CCNY: variants seen among roughly 807,000 people sequenced by gnomAD.
CCNY encodes the protein cyclin Y.
In CCNY, 19 loss-of-function variants were observed where a neutral mutation model predicts 42.8. The observed-to-expected ratio is 0.44, with a 90% CI of 0.31 to 0.65. The LOEUF is 0.65. Ranked by LOEUF, CCNY falls within the 30% of genes least tolerant of loss-of-function variation. The pLI is 0.07. For missense variants in CCNY, 370 were observed against 437.3 expected (o/e 0.85, Z 1.37); for synonymous variants, 165 against 162.7 (o/e 1.01, Z -0.11).
chr10:35,320,274 G>A (rs2135094683), intron 3 of CCNY, among the ~76,000 whole-genome samples: 1 of 152,270 alleles, frequency 6.6e-6, no homozygotes, highest in East Asian at 1.9e-4. Context: ...AATGCATCAT[G>A]ACTAAGTGGG....
chr10:35,447,847 A>G (rs1404808138), intron 1 of CCNY, among the ~76,000 whole-genome samples: 1 of 152,210 alleles, frequency 6.6e-6, no homozygotes, highest in Non-Finnish European at 1.5e-5. Context: ...AACCACAGAT[A>G]GTTTGATAAA....
At chr10:35,349,533 C>T (rs1306667674) in intron 1 of CCNY, among the ~76,000 whole-genome samples, 1 of 152,214 alleles carries the variant, frequency 6.6e-6, no homozygotes, top group African/African-American at 2.4e-5. Context: ...GTTCCCTAAG[C>T]TCATTTTCAT....
chr10:35,572,636 T>G lies in CCNY; in HGVS notation c.*3466T>G, dbSNP rs1464064140. 1 of 152,250 alleles carries G rather than the reference T, an allele frequency of 6.6e-6. No individual in the cohort carries two copies. Among genetic ancestry groups the G allele is most frequent in the Non-Finnish European group, 1.5e-5 (1 of 68,052 alleles). The allele number at this position is 152,250 out of a possible 1,614,324, so 9.4% of individuals were successfully genotyped here. A position where few individuals can be genotyped will look rare whatever the true frequency, so the allele number is the denominator to read the frequency against. Reference sequence around the variant, plus strand: ...ATTCTTGGTTATTGTAGGTATTTAATAAATGTTAAATAAATATATACATAG... The same window carrying G: ...ATTCTTGGTTATTGTAGGTATTTAAGAAATGTTAAATAAATATATACATAG... On this transcript the variant is annotated 3_prime_UTR_variant, in exon 10 of 10. Transcript: ENST00000374704.
chr10:35,540,710 G>A (rs139915246), intron 7 of CCNY, among the ~76,000 whole-genome samples: 2 of 152,150 alleles, frequency 1.3e-5, no homozygotes, highest in Non-Finnish European at 2.9e-5. Flanking sequence ...TTTCTTATAG[G>A]TCTATTCAGG....
intron 3 of CCNY, among the ~76,000 whole-genome samples, chr10:35,275,252 G>T (rs780733355): frequency 6.6e-5 from 10 of 151,374 alleles, no homozygotes; most frequent in Non-Finnish European, 1.0e-4. Flanking sequence ...TTTTAGTAGA[G>T]ATGGGGTTTC....
Position 35,538,624 on chromosome 10 carries a change from A to G in CCNY, c.579+8381A>G, listed in dbSNP as rs187431956. Among the ~76,000 whole-genome samples the G allele has an allele frequency of 3.0e-4, 46 of 152,248 alleles. 1 individual carries two copies. In the East Asian group the frequency reaches 7.7e-3, roughly 26 times the overall value. ...CCACGTTTTCTTTGGAGAAGTATCT[A>G]TTTACATTCTTTGCCCATTTTAAGA... is the stretch of plus-strand genomic sequence containing the variant. On this transcript the variant is annotated intron_variant, in intron 7 of 9. Coordinates refer to ENST00000374704, the MANE Select transcript of CCNY (RefSeq NM_145012.6).
intron 1 of CCNY, among the ~76,000 whole-genome samples, chr10:35,374,796 A>C (rs1044125940): frequency 2.0e-5 from 3 of 152,228 alleles, no homozygotes; most frequent in Non-Finnish European, 4.4e-5. Context: ...TGGGAAAAAA[A>C]GGGGATGGAA....
At chr10:35,328,044 G>C (rs1288052968) in intron 3 of CCNY, among the ~76,000 whole-genome samples, 3 of 152,222 alleles carry the variant, frequency 2.0e-5, no homozygotes, top group Admixed American at 6.5e-5. Flanking sequence ...TGTGCTAGCA[G>C]AGAACGATAA....
chr10:35,494,995 T>C (rs1839978447), intron 2 of CCNY, among the ~76,000 whole-genome samples: 1 of 152,236 alleles, frequency 6.6e-6, no homozygotes, highest in East Asian at 1.9e-4. Flanking sequence ...ACCAACCTGA[T>C]GTTCAAAGGA....
chr10:35,332,539 G>GT (rs1398281359), upstream of CCNY: 2 of 152,118 alleles, frequency 1.3e-5, no homozygotes, highest in African/African-American at 2.4e-5. Context: ...AGAAAATTTT[G>GT]TTTTTTCTGT....
At chr10:35,259,067 T>C (rs956057444) in intron 3 of CCNY, among the ~76,000 whole-genome samples, 3 of 152,188 alleles carry the variant, frequency 2.0e-5, no homozygotes, top group African/African-American at 7.2e-5. Flanking sequence ...TAAGTCATTC[T>C]GCTGAAAGCT....
intron 1 of CCNY, among the ~76,000 whole-genome samples, chr10:35,368,377 A>G (rs1836855284): frequency 6.6e-6 from 1 of 152,244 alleles, no homozygotes; most frequent in Non-Finnish European, 1.5e-5. Flanking sequence ...GCAGAGGGAA[A>G]AAAGCATTTT....
chr10:35,535,486 C>G (rs111888976), intron 7 of CCNY, among the ~76,000 whole-genome samples: 2,743 of 152,148 alleles, frequency 0.018, 71 homozygotes, highest in African/African-American at 0.053. Flanking sequence ...GCTTTTGGCT[C>G]TCTCTGTCTC....
chr10:35,501,448 A>AG, intron 2 of CCNY, 53 bp from the exon 3 acceptor site: 1 of 1,524,866 alleles, frequency 6.6e-7, no homozygotes, highest in Non-Finnish European at 9.1e-7. Context: ...TCCACCTGCC[A>AG]GGGGTTGGCA....
At chr10:35,401,701 A>G (rs1837648826) in intron 1 of CCNY, among the ~76,000 whole-genome samples, 1 of 152,078 alleles carries the variant, frequency 6.6e-6, no homozygotes, top group Non-Finnish European at 1.5e-5. Flanking sequence ...GAGTCAGCAA[A>G]GTGTGGTGGG....
At chr10:35,480,914 C>T (rs1353081153) in intron 1 of CCNY, among the ~76,000 whole-genome samples, 1 of 152,138 alleles carries the variant, frequency 6.6e-6, no homozygotes, top group Admixed American at 6.6e-5. Flanking sequence ...TGCAGTGAGC[C>T]ATGATTGCAC....
In CCNY at chr10:35,252,734, G is replaced by A. The variant is rs546565022; in HGVS notation, c.-9+2108G>A. 3.3e-4 allele frequency among the ~76,000 whole-genome samples: 50 copies of A among 152,152 alleles called. 2 individuals carry two copies. Among genetic ancestry groups the A allele is most frequent in the African/African-American group, 1.2e-3 (50 of 41,508 alleles). On this transcript the variant is annotated intron_variant, in intron 3 of 11. Transcript: ENST00000374706. Reference sequence around the variant, plus strand: ...TGACAGCAGAGGGAGTAAATAAAGCGGCTTGATATTGCTTATGGTTCCAAC... The same window carrying A: ...TGACAGCAGAGGGAGTAAATAAAGCAGCTTGATATTGCTTATGGTTCCAAC...
intron 1 of CCNY, among the ~76,000 whole-genome samples, chr10:35,475,451 C>T (rs922312492): frequency 2.6e-5 from 4 of 151,742 alleles, no homozygotes; most frequent in African/African-American, 9.7e-5. Flanking sequence ...CGGCAGAAAC[C>T]CTACAAGCCA....
chr10:35,562,203 A>G (rs1841480553), intron 8 of CCNY, among the ~76,000 whole-genome samples: 1 of 152,246 alleles, frequency 6.6e-6, no homozygotes, highest in Non-Finnish European at 1.5e-5. Context: ...GGAGAAATCA[A>G]GTGACTTGTC....
Sources: allele counts gnomAD v4.1 joint callset (sites outside exome capture counted in the v4.1 genomes callset), GRCh38; gene constraint gnomAD v4.1.1; transcripts MANE v1.5; gene names NCBI Gene and HGNC (gene_info 2026-07-23, HGNC 2026-07-21).